Variants in MARCHF3 observed in about 807,000 individuals in gnomAD.
MARCHF3 encodes the protein membrane associated ring-CH-type finger 3, also known as E3 ubiquitin-protein ligase MARCHF3.
Under a neutral mutation model 24.2 loss-of-function variants are expected in MARCHF3, and 13 were observed. That is an observed-to-expected ratio of 0.54 (90% CI 0.35 to 0.85). The LOEUF (loss-of-function observed/expected upper bound fraction) is 0.85. Among genes scored for constraint, MARCHF3 ranks in the 40% least tolerant of loss-of-function variants. MARCHF3 has a pLI of 0.01. For missense variants in MARCHF3, 276 were observed against 325.0 expected, an observed-to-expected ratio of 0.85 and a Z score of 1.16; for synonymous variants, 144 against 137.3, an observed-to-expected ratio of 1.05 and a Z score of -0.34.
At chr5:126,959,914 T>C (rs1488580999) in intron 1 of MARCHF3, among the ~76,000 whole-genome samples, 1 of 152,118 alleles carries the variant, frequency 6.6e-6, no homozygotes, top group Non-Finnish European at 1.5e-5. Flanking sequence ...CCTAGGTTAT[T>C]AGTTAGTTAT....
intron 1 of MARCHF3, among the ~76,000 whole-genome samples, chr5:126,977,776 A>G (rs1368945600): frequency 6.6e-6 from 1 of 152,276 alleles, no homozygotes; most frequent in East Asian, 1.9e-4. Context: ...TGTTGCATGT[A>G]TACAAGGCAA....
chr5:126,978,690 C>T lies in MARCHF3; in HGVS notation c.-57+51660G>A, dbSNP rs374895307. On this transcript the variant is annotated intron_variant, in intron 1 of 4. Transcript: ENST00000308660. ...CTGCCCACTGGACCTCTATGCAACT[C>T]GGCTTTTTGCTCTCACACAGAACTG... is the stretch of plus-strand genomic sequence containing the variant. Among the ~76,000 whole-genome samples the T allele has an allele frequency of 2.0e-5, 3 of 152,192 alleles. No individual in the cohort carries two copies. In the East Asian group the frequency reaches 5.8e-4, roughly 29 times the overall value.
chr5:126,983,623 C>T (rs1219104715), intron 1 of MARCHF3, among the ~76,000 whole-genome samples: 2 of 152,198 alleles, frequency 1.3e-5, no homozygotes, highest in East Asian at 3.8e-4. Flanking sequence ...CAAATCCAAC[C>T]TTGCTACCAA....
At chr5:127,027,619 G>A (rs2126867919) in intron 1 of MARCHF3, among the ~76,000 whole-genome samples, 1 of 152,246 alleles carries the variant, frequency 6.6e-6, no homozygotes, top group South Asian at 2.1e-4. Context: ...GACTTCCTTA[G>A]AATCAGGGCC....
chr5:126,995,258 A>G (rs1446444139), intron 1 of MARCHF3, among the ~76,000 whole-genome samples: 1 of 152,264 alleles, frequency 6.6e-6, no homozygotes, highest in Non-Finnish European at 1.5e-5. Flanking sequence ...AGTTTAAAAA[A>G]GCACTAATAC....
chr5:126,932,665 A>G (rs1398393960), intron 1 of MARCHF3, among the ~76,000 whole-genome samples: 1 of 152,206 alleles, frequency 6.6e-6, no homozygotes, highest in Non-Finnish European at 1.5e-5. Context: ...TATTATCTTA[A>G]AATACAGCAT....
chr5:127,018,921 C>T (rs1442075110), intron 1 of MARCHF3, among the ~76,000 whole-genome samples: 1 of 151,952 alleles, frequency 6.6e-6, no homozygotes, highest in Non-Finnish European at 1.5e-5. Context: ...TAAATAATGG[C>T]CATTTACATT....
chr5:126,970,735 G>C (rs1318991564), intron 1 of MARCHF3, among the ~76,000 whole-genome samples: 1 of 152,208 alleles, frequency 6.6e-6, no homozygotes, highest in African/African-American at 2.4e-5. Flanking sequence ...AAAAGGTCCA[G>C]AGCAATCCGC....
At chr5:127,021,050 C>T (rs1580498012) in intron 1 of MARCHF3, among the ~76,000 whole-genome samples, 1 of 152,136 alleles carries the variant, frequency 6.6e-6, no homozygotes, top group East Asian at 1.9e-4. Flanking sequence ...TAACAAATTT[C>T]TGCTATTTAT....
At chr5:126,885,017 C>A (rs74837807) in intron 3 of MARCHF3, among the ~76,000 whole-genome samples, 4,876 of 152,210 alleles carry the variant, frequency 0.032, 233 homozygotes, top group African/African-American at 0.11. Flanking sequence ...TCAGCCTTTG[C>A]GCATATTCTT....
intron 1 of MARCHF3, among the ~76,000 whole-genome samples, chr5:126,944,204 C>T (rs780493442): frequency 1.3e-5 from 2 of 152,194 alleles, no homozygotes; most frequent in Non-Finnish European, 2.9e-5. Context: ...GCATTCCTTT[C>T]CCAAGATACT....
chr5:126,917,961 A>C (rs752715692), intron 2 of MARCHF3, 23 bp downstream of exon 2: 3 of 1,605,076 alleles, frequency 1.9e-6, no homozygotes, highest in Non-Finnish European at 2.6e-6. Flanking sequence ...TTACAGATTC[A>C]TTTATTTTAA....
At chr5:127,025,182 T>C (rs369160913) in intron 1 of MARCHF3, among the ~76,000 whole-genome samples, 2 of 151,062 alleles carry the variant, frequency 1.3e-5, no homozygotes, top group South Asian at 2.1e-4. Context: ...CATTGCAAAA[T>C]AGAACAAAAC....
At chr5:126,967,900 AC>A (rs1750870730) in intron 1 of MARCHF3, among the ~76,000 whole-genome samples, 1 of 152,146 alleles carries the variant, frequency 6.6e-6, no homozygotes, top group African/African-American at 2.4e-5. Flanking sequence ...ACATTGTGCA[AC>A]CATCACCATT....
At chr5:126,956,066 G>A (rs568001397) in intron 1 of MARCHF3, among the ~76,000 whole-genome samples, 25 of 152,018 alleles carry the variant, frequency 1.6e-4, no homozygotes, top group Middle Eastern at 3.4e-3. Context: ...TTAATGCCTT[G>A]TCTACTCTAT....
At chr5:127,029,562 A>C (rs540857945) in intron 1 of MARCHF3, among the ~76,000 whole-genome samples, 7 of 152,154 alleles carry the variant, frequency 4.6e-5, no homozygotes, top group Non-Finnish European at 1.0e-4. Flanking sequence ...TTTAACCTTG[A>C]GTTCTCTGCT....
intron 3 of MARCHF3, among the ~76,000 whole-genome samples, chr5:126,901,186 C>T (rs1380932597): frequency 6.6e-6 from 1 of 152,092 alleles, no homozygotes; most frequent in Non-Finnish European, 1.5e-5. Context: ...TGTATACAAG[C>T]ACAACATAAC....
intron 1 of MARCHF3, among the ~76,000 whole-genome samples, chr5:127,019,584 C>T (rs1470832376): frequency 6.6e-6 from 1 of 152,132 alleles, no homozygotes; most frequent in African/African-American, 2.4e-5. Flanking sequence ...TGTCTTGTCT[C>T]CAAGTAACAT....
intron 3 of MARCHF3, among the ~76,000 whole-genome samples, chr5:126,904,532 T>C (rs1455229915): frequency 6.7e-6 from 1 of 149,194 alleles, no homozygotes; most frequent in African/African-American, 2.5e-5. Flanking sequence ...GGTATCTCAT[T>C]GTGGCTTTGA....
Sources: gnomAD v4.1 joint callset for allele counts (sites outside exome capture counted in the v4.1 genomes callset) on GRCh38, gnomAD v4.1.1 for gene constraint, MANE v1.5 for transcripts, NCBI Gene and HGNC (gene_info 2026-07-23, HGNC 2026-07-21) for gene names.